SUN1: variants seen among roughly 807,000 people sequenced by gnomAD.
The protein encoded by SUN1 is Sad1 and UNC84 domain containing 1.
In SUN1, 61 loss-of-function variants were observed where a neutral mutation model predicts 103.2. The observed-to-expected ratio is 0.59, with a 90% confidence interval of 0.48 to 0.73. The LOEUF is 0.73. Among genes scored for constraint, SUN1 ranks in the 30% least tolerant of loss-of-function variants. SUN1 has a pLI of 0.00. For synonymous variants in SUN1, 490 were observed against 425.7 expected, an observed-to-expected ratio of 1.15 and a Z score of -1.86; for missense variants, 1,052 against 1,034.6, an observed-to-expected ratio of 1.02 and a Z score of -0.23.
chr7:849,579 C>G (rs878946802), intron 5 of SUN1: 3 of 1,433,348 alleles, frequency 2.1e-6, no homozygotes, highest in Admixed American at 3.7e-5. Flanking sequence ...GGATGGCCAC[C>G]TCAGTGTAAA....
At chr7:834,839 G>T (rs111843647) in intron 1 of SUN1, among the ~76,000 whole-genome samples, 3 of 152,218 alleles carry the variant, frequency 2.0e-5, no homozygotes, top group Non-Finnish European at 2.9e-5. Context: ...ACTTTGGGAG[G>T]CTGAGGCGGG....
At chr7:855,031 T>A (rs1351014308) in intron 11 of SUN1, 25 bp downstream of exon 11, 1 of 1,564,876 alleles carries the variant, frequency 6.4e-7, no homozygotes. Context: ...CCTTACGCTT[T>A]TTTAAAATAA....
intron 1 of SUN1, among the ~76,000 whole-genome samples, chr7:824,544 C>T (rs899101091): frequency 1.3e-5 from 2 of 152,186 alleles, no homozygotes; most frequent in African/African-American, 4.8e-5. Flanking sequence ...ATAATTTGGC[C>T]TTGGGCTTTT....
At chr7:831,986 A>G (rs1351409457), upstream of SUN1, 1 of 958,820 alleles carries the variant, frequency 1.0e-6, no homozygotes, top group Non-Finnish European at 1.2e-6. Flanking sequence ...AAGTGTAAAT[A>G]GTGCCTTAAG....
chr7:815,741 A>C (rs1780161818), upstream of SUN1: 1 of 170,952 alleles, frequency 5.8e-6, no homozygotes, highest in South Asian at 1.1e-4. Context: ...CGTTTCCATC[A>C]GCAGGGGCCC....
At chr7:872,396 G>C (rs1842371955) in intron 17 of SUN1, 74 bp from the exon 18 acceptor site, 1 of 1,263,482 alleles carries the variant, frequency 7.9e-7, no homozygotes, top group African/African-American at 1.5e-5. Flanking sequence ...AGTGCTGGCT[G>C]TGGAAGGGAA....
chr7:834,553 C>G (rs1801093243), intron 1 of SUN1, among the ~76,000 whole-genome samples: 1 of 152,326 alleles, frequency 6.6e-6, no homozygotes, highest in Admixed American at 6.5e-5. Context: ...TGCGTTGGGT[C>G]CTTACACTCT....
intron 11 of SUN1, among the ~76,000 whole-genome samples, chr7:856,146 C>A (rs936350463): frequency 6.6e-6 from 1 of 152,234 alleles, no homozygotes; most frequent in Non-Finnish European, 1.5e-5. Flanking sequence ...CCAGGCCGTT[C>A]TCATGTGATT....
At chr7:857,252 C>G (rs896558324) in intron 12 of SUN1, among the ~76,000 whole-genome samples, 1 of 152,228 alleles carries the variant, frequency 6.6e-6, no homozygotes, top group Non-Finnish European at 1.5e-5. Context: ...CCCCATGTTC[C>G]TCTTCTGTGA....
rs1831190467 is a variant in SUN1, at chr7:860,325, C to T, written c.1722C>T (p.Thr574=). 1 of 1,614,234 alleles carries T rather than the reference C, an allele frequency of 6.2e-7. No homozygotes were observed. The change falls in exon 14 of 19, where the codon ACC becomes ACT. Residue 574 remains threonine (T), a synonymous_variant. Transcript: ENST00000401592. ...HHVSVTKQLP[T]SEAVVSAVSE... is the part of the protein sequence containing the mutation. The stretch of plus-strand genomic sequence containing the variant: ...TTTCCGTGACCAAGCAGCTCCCAAC[C>T]TCAGAAGCCGTGGTGTCTGCTGTGA...
intron 5 of SUN1, among the ~76,000 whole-genome samples, chr7:845,027 C>T (rs1814012761): frequency 1.3e-5 from 2 of 152,210 alleles, no homozygotes; most frequent in African/African-American, 2.4e-5. Flanking sequence ...TTGAACATAA[C>T]ATTTTTCTTA....
At position 860,298 on chromosome 7, in the gene SUN1, C is replaced by G; in HGVS notation, c.1695C>G (p.His565Gln). 6.2e-7 allele frequency: 1 copy of G among 1,614,254 alleles called. No individual in the cohort carries two copies. Among genetic ancestry groups the G allele is most frequent in the Non-Finnish European group, 8.5e-7 (1 of 1,180,050 alleles). Residue 565 changes from histidine (H) to glutamine (Q), a missense_variant, in exon 14 of 19, where the codon CAC becomes CAG. This residue lies in a region of SUN1 where 846 missense variants were observed against 774.5 expected (regional missense o/e 1.09). Coordinates refer to ENST00000401592, the MANE Select transcript of SUN1 (RefSeq NM_001130965.3). ...QLQILRNVTHHVSVTKQLPTS... is the reference protein window; with the variant it reads ...QLQILRNVTHQVSVTKQLPTS... ...AGATCCTGCGGAACGTCACCCACCA[C>G]GTTTCCGTGACCAAGCAGCTCCCAA...
At chr7:840,799 G>A (rs1373146691) in intron 2 of SUN1, among the ~76,000 whole-genome samples, 3 of 151,660 alleles carry the variant, frequency 2.0e-5, no homozygotes, top group Non-Finnish European at 4.4e-5. Flanking sequence ...CCGCCACCAT[G>A]CCTGGCTAAT....
chr7:854,429 A>G (rs1825230278), intron 10 of SUN1, among the ~76,000 whole-genome samples: 1 of 152,236 alleles, frequency 6.6e-6, no homozygotes, highest in Non-Finnish European at 1.5e-5. Context: ...AGAATTTTAA[A>G]ATGCAGGTTC....
At chr7:872,624 G>A in intron 18 of SUN1, 62 bp downstream of exon 18, 1 of 1,337,824 alleles carries the variant, frequency 7.5e-7, no homozygotes. Context: ...GTGACAGCAG[G>A]GCCCAGCTGG....
intron 3 of SUN1, chr7:842,849 T>C: frequency 2.4e-6 from 1 of 424,886 alleles, no homozygotes; most frequent in Non-Finnish European, 4.4e-6. Flanking sequence ...CTAGTGAGAG[T>C]GGTTACCAGG....
intron 5 of SUN1, among the ~76,000 whole-genome samples, chr7:844,925 C>A (rs578020260): frequency 1.3e-5 from 2 of 152,316 alleles, no homozygotes; most frequent in East Asian, 3.9e-4. Flanking sequence ...GGGTGCTGCA[C>A]GTGAGCCGTG....
intron 5 of SUN1, chr7:851,039 C>T (rs1267895254): frequency 5.3e-6 from 1 of 187,972 alleles, no homozygotes; most frequent in East Asian, 1.2e-4. Context: ...ATGATCTTCC[C>T]AATATAAATT....
chr7:857,326 G>T (rs928735105), intron 12 of SUN1, among the ~76,000 whole-genome samples: 11 of 152,200 alleles, frequency 7.2e-5, no homozygotes, highest in African/African-American at 1.2e-4. Context: ...CAGTAAAAAA[G>T]TTGCTTTAAC....
Sources: allele counts gnomAD v4.1 joint callset (sites outside exome capture counted in the v4.1 genomes callset), GRCh38; gene constraint gnomAD v4.1.1; regional missense constraint gnomAD v4.1.1; transcripts MANE v1.5; gene names NCBI Gene and HGNC (gene_info 2026-07-23, HGNC 2026-07-21).